CCDC7: variants seen among roughly 807,000 people sequenced by gnomAD.
CCDC7 encodes coiled-coil domain containing 7, also known as coiled-coil domain-containing protein 7.
CCDC7 carries 183 observed loss-of-function variants against 196.9 expected under a neutral mutation model. The ratio of observed to expected loss-of-function variants is 0.93; its 90% CI spans 0.82 to 1.05. The LOEUF is 1.05. CCDC7 is among the 50% of genes least tolerant of loss of function. CCDC7 has a pLI of 0.00. For synonymous variants in CCDC7, 525 were observed against 484.6 expected (o/e 1.08, Z -1.10); for missense variants, 1,540 against 1,482.2 (o/e 1.04, Z -0.64).
At chr10:32,677,804 T>G (rs2075261507) in intron 21 of CCDC7, among the ~76,000 whole-genome samples, 1 of 152,140 alleles carries the variant, frequency 6.6e-6, no homozygotes, top group Non-Finnish European at 1.5e-5. Flanking sequence ...CTTCTGCCAT[T>G]TTCCCTCTCT....
chr10:32,665,769 G>T (rs1475234834), intron 21 of CCDC7, among the ~76,000 whole-genome samples: 2 of 151,946 alleles, frequency 1.3e-5, no homozygotes, highest in African/African-American at 4.8e-5. Flanking sequence ...CTGGGATTTT[G>T]ATAGGGATTA....
intron 28 of CCDC7, among the ~76,000 whole-genome samples, chr10:32,743,093 G>T (rs2484734): frequency 0.92 from 140,426 of 152,198 alleles, 65,795 homozygotes; most frequent in East Asian, 1. Flanking sequence ...TCCCCAAGTT[G>T]TGGCAATTAT....
At chr10:32,867,493 G>T (rs1225099903) in intron 41 of CCDC7, among the ~76,000 whole-genome samples, 1 of 150,856 alleles carries the variant, frequency 6.6e-6, no homozygotes, top group Non-Finnish European at 1.5e-5. Flanking sequence ...GAAGGGATTG[G>T]AATCCCTTCT....
chr10:32,465,795 C>T (rs532149480), intron 5 of CCDC7, among the ~76,000 whole-genome samples: 101 of 152,264 alleles, frequency 6.6e-4, no homozygotes, highest in African/African-American at 2.3e-3. Context: ...GACTATTCCA[C>T]CTCAGATGCA....
At chr10:32,858,262 G>A (rs752632575) in intron 41 of CCDC7, among the ~76,000 whole-genome samples, 23 of 152,094 alleles carry the variant, frequency 1.5e-4, no homozygotes, top group Non-Finnish European at 1.2e-4. Context: ...CAAAAAAATC[G>A]CACTAGAAGG....
exon 15 of CCDC7, chr10:32,567,818 A>C (rs12268559): frequency 0.1 from 165,564 of 1,613,486 alleles, 10,581 homozygotes; most frequent in South Asian, 0.24. Context: ...CCATTGGAGA[A>C]AGAAACAAGA....
At chr10:32,611,175 G>C (rs897310467) in intron 18 of CCDC7, among the ~76,000 whole-genome samples, 13 of 152,206 alleles carry the variant, frequency 8.5e-5, no homozygotes, top group Non-Finnish European at 1.9e-4. Flanking sequence ...AATGACCAAT[G>C]ATGATGAGCT....
chr10:32,684,365 G>A (rs1432083416), intron 21 of CCDC7, among the ~76,000 whole-genome samples: 3 of 152,142 alleles, frequency 2.0e-5, no homozygotes, highest in Non-Finnish European at 4.4e-5. Context: ...TGTCAGTCTG[G>A]GGGCCCCAGG....
chr10:32,453,357 T>G, exon 2 of CCDC7: 2 of 1,500,982 alleles, frequency 1.3e-6, no homozygotes, highest in Non-Finnish European at 1.8e-6. Context: ...GTTTCCACTT[T>G]GGAAGAAACC....
chr10:32,871,284 T>G (rs923444164), intron 41 of CCDC7, among the ~76,000 whole-genome samples: 4 of 152,146 alleles, frequency 2.6e-5, no homozygotes, highest in Non-Finnish European at 5.9e-5. Context: ...CAGAGCCTGT[T>G]ATTGGTCTAT....
rs7900465 is a variant in CCDC7 at position 32,573,067 on chromosome 10, G to A, written c.1454+1174G>A. 7.0e-3 allele frequency among the ~76,000 whole-genome samples: 1,067 copies of A among 151,692 alleles called. 12 individuals are homozygous for A. The highest frequency in any genetic ancestry group is 0.025 in the African/African-American group (1,019 of 41,372). ...TAATTTTTATATTTTTAGTAGAGACGGGGTTTCGCCATGTTGGCCAGGCTG... is the reference window on the plus strand; with the variant it reads ...TAATTTTTATATTTTTAGTAGAGACAGGGTTTCGCCATGTTGGCCAGGCTG... On this transcript the variant is annotated intron_variant, in intron 16 of 41. Transcript: ENST00000639629.
intron 20 of CCDC7, among the ~76,000 whole-genome samples, chr10:32,658,430 A>G (rs1249915024): frequency 7.8e-6 from 1 of 128,862 alleles, no homozygotes; most frequent in Admixed American, 8.3e-5. Flanking sequence ...CAAAGGGGGA[A>G]AAACCTCTTA....
intron 20 of CCDC7, among the ~76,000 whole-genome samples, chr10:32,648,363 A>G (rs117658142): frequency 0.04 from 6,035 of 152,266 alleles, 126 homozygotes; most frequent in Middle Eastern, 0.051. Context: ...AATTCTAGGA[A>G]GAATGGTGGT....
intron 21 of CCDC7, 148 bp from the exon 23 acceptor site, chr10:32,685,821 CA>C: frequency 1.8e-6 from 1 of 545,304 alleles, no homozygotes; most frequent in Non-Finnish European, 3.2e-6. Context: ...AGCATTTTCT[CA>C]TCAAATCTAT....
At chr10:32,448,126 T>A (rs2031917687), upstream of CCDC7, among the ~76,000 whole-genome samples, 2 of 152,192 alleles carry the variant, frequency 1.3e-5, no homozygotes, top group South Asian at 4.1e-4. Context: ...AACTATAGTG[T>A]TTCATCGAAA....
At chr10:32,562,912 T>A (rs899998998) in intron 13 of CCDC7, among the ~76,000 whole-genome samples, 14 of 152,178 alleles carry the variant, frequency 9.2e-5, no homozygotes, top group African/African-American at 3.4e-4. Flanking sequence ...CCCCATTGTC[T>A]TAGCCCAAAA....
At chr10:32,777,050 C>T (rs2134215356) in intron 28 of CCDC7, among the ~76,000 whole-genome samples, 1 of 152,244 alleles carries the variant, frequency 6.6e-6, no homozygotes, top group East Asian at 1.9e-4. Context: ...CCCCTTCTTC[C>T]TCCCCCTTTT....
chr10:32,505,688 G>A (rs1258591037), intron 9 of CCDC7, among the ~76,000 whole-genome samples: 1 of 152,084 alleles, frequency 6.6e-6, no homozygotes, highest in African/African-American at 2.4e-5. Flanking sequence ...CTCGATGGTC[G>A]CTGTCTCTTC....
At chr10:32,474,982 A>G (rs2038697939) in intron 8 of CCDC7, among the ~76,000 whole-genome samples, 1 of 152,164 alleles carries the variant, frequency 6.6e-6, no homozygotes, top group African/African-American at 2.4e-5. Flanking sequence ...ATCTTACAGC[A>G]CTCCCAAGTT....
Sources: gnomAD v4.1 joint callset for allele counts (sites outside exome capture counted in the v4.1 genomes callset) on GRCh38, gnomAD v4.1.1 for gene constraint, MANE v1.5 for transcripts, NCBI Gene and HGNC (gene_info 2026-07-23, HGNC 2026-07-21) for gene names.